ANKRD28: variants seen among roughly 807,000 people sequenced by gnomAD.
ANKRD28 encodes serine/threonine-protein phosphatase 6 regulatory ankyrin repeat subunit A.
Under a neutral mutation model 126.5 loss-of-function variants are expected in ANKRD28, and 44 were observed. That is an observed-to-expected ratio of 0.35 (90% CI 0.27 to 0.45). The LOEUF (loss-of-function observed/expected upper bound fraction) is 0.45. ANKRD28 is among the 20% of genes least tolerant of loss of function. The pLI, the probability that ANKRD28 is intolerant of heterozygous loss-of-function variation, is 1.00. For synonymous variants in ANKRD28, 442 were observed against 468.5 expected (o/e 0.94, Z 0.73); for missense variants, 1,110 against 1,316.6 (o/e 0.84, Z 2.43).
rs1037120037 is a variant in ANKRD28, at chr3:15,670,193, G to C, written c.*77C>G. 2 of 1,467,158 alleles carry C rather than the reference G, an allele frequency of 1.4e-6. No homozygotes were observed. Among genetic ancestry groups the C allele is most frequent in the African/African-American group, 2.8e-5 (2 of 71,358 alleles). 90.9% of individuals were successfully genotyped at this position (1,467,158 alleles called of 1,614,324 possible). ...CTTTCCTCTTAGGTTGAATTTCTACGTGAATATCAAAGTGCCTTTTTCCTG... is the reference window on the plus strand; with the variant it reads ...CTTTCCTCTTAGGTTGAATTTCTACCTGAATATCAAAGTGCCTTTTTCCTG... On this transcript the variant is annotated 3_prime_UTR_variant, in exon 28 of 28. Transcript: ENST00000683139.
intron 1 of ANKRD28, among the ~76,000 whole-genome samples, chr3:15,795,974 T>C (rs1231591863): frequency 3.3e-5 from 5 of 152,148 alleles, no homozygotes; most frequent in Admixed American, 6.5e-5. Flanking sequence ...AGATGAAGAC[T>C]GAATCTCATA....
At chr3:15,768,666 TGGGGCAG>T (rs889502865) in intron 2 of ANKRD28, among the ~76,000 whole-genome samples, 2 of 149,584 alleles carry the variant, frequency 1.3e-5, no homozygotes, top group Non-Finnish European at 3.0e-5. Context: ...GGGGCGGCGG[TGGGGCAG>T]GGGGGCAAAT....
rs151047851 is a variant in ANKRD28 at position 15,783,389 on chromosome 3, T to C, written c.201+11834A>G. 3.4e-3 allele frequency among the ~76,000 whole-genome samples: 520 copies of C among 152,168 alleles called. 3 individuals carry two copies. Among genetic ancestry groups the C allele is most frequent in the African/African-American group, 0.012 (502 of 41,554 alleles). ...TGATTATACGAAATATTTGTGAGAATGTTGAAAATTTAGGATTCTCATATC... is the reference window on the plus strand; with the variant it reads ...TGATTATACGAAATATTTGTGAGAACGTTGAAAATTTAGGATTCTCATATC... On this transcript the variant is annotated intron_variant, in intron 2 of 27. Transcript: ENST00000683139.
rs531953459 is a variant in ANKRD28 at position 15,724,545 on chromosome 3, A to G, written c.641-21T>C. The G allele has an allele frequency of 1.1e-5, 17 of 1,545,106 alleles. 1 individual carries two copies. Among genetic ancestry groups the G allele is most frequent in the South Asian group, 1.1e-4 (9 of 82,698 alleles). On this transcript the variant is annotated intron_variant, in intron 6 of 27. Coordinates refer to ENST00000683139, the MANE Select transcript of ANKRD28 (RefSeq NM_001349278.2). The stretch of plus-strand genomic sequence containing the variant: ...GTGACCTAAAAATGTGTTTTTGAAG[A>G]AAAAAATAGAGATGAGCATATGAAA...
intron 3 of ANKRD28, among the ~76,000 whole-genome samples, chr3:15,759,212 C>T (rs1002828726): frequency 1.3e-5 from 2 of 152,102 alleles, no homozygotes; most frequent in Non-Finnish European, 2.9e-5. Context: ...ATTAAGAACA[C>T]GGATTCTGTA....
chr3:15,859,361 G>A, intron 1 of ANKRD28: 1 of 1,527,282 alleles, frequency 6.5e-7, no homozygotes. Context: ...ATCCCGCCCT[G>A]CAGCCCCTCA....
chr3:15,695,748 A>G (rs1305823442), intron 15 of ANKRD28, among the ~76,000 whole-genome samples: 2 of 152,120 alleles, frequency 1.3e-5, no homozygotes, highest in African/African-American at 4.8e-5. Context: ...GGGGTTGTGA[A>G]ATAAATGTGC....
Position 15,727,658 on chromosome 3 carries a change from A to G in ANKRD28, c.641-3134T>C, listed in dbSNP as rs897997458. 8.6e-5 allele frequency among the ~76,000 whole-genome samples: 13 copies of G among 151,800 alleles called. 1 individual carries two copies. The highest frequency in any genetic ancestry group is 6.6e-4 in the Admixed American group (10 of 15,252). On this transcript the variant is annotated intron_variant, in intron 6 of 27. Coordinates refer to ENST00000683139, the MANE Select transcript of ANKRD28 (RefSeq NM_001349278.2). The stretch of plus-strand genomic sequence containing the variant: ...AGTATTATTATTAACAGGAGTTTGG[A>G]AGAAGTTGATTCCAACCCTCATGGA...
In ANKRD28 at chr3:15,694,806, T is replaced by G. The variant is rs1361684502; in HGVS notation, c.1694A>C (p.Glu565Ala). 6.2e-7 allele frequency: 1 copy of G among 1,613,300 alleles called. No homozygotes were observed. The highest frequency in any genetic ancestry group is 8.5e-7 in the Non-Finnish European group (1 of 1,179,424). The change falls in exon 17 of 28, where the codon GAA (glutamate) becomes GCA (alanine). Residue 565 changes from glutamate to alanine, a missense_variant. Physicochemically the swap from Glu to Ala is moderately radical, Grantham distance 107. Transcript: ENST00000683139. The part of the protein sequence containing the change: ...ASETPLDVLM[E>A]TSGTDMLSDS... ...ACTCAGCATGTCTGTTCCTGAGGTTTCCATTAACTGAAAAAGAAGAGGCAT... is the reference window on the plus strand; with the variant it reads ...ACTCAGCATGTCTGTTCCTGAGGTTGCCATTAACTGAAAAAGAAGAGGCAT...
At chr3:15,678,475 G>T in intron 23 of ANKRD28, 121 bp from the exon 24 acceptor site, 1 of 841,016 alleles carries the variant, frequency 1.2e-6, no homozygotes, top group Non-Finnish European at 1.7e-6. Flanking sequence ...CAAAAGCACT[G>T]CCTGTACACA....
intron 27 of ANKRD28, among the ~76,000 whole-genome samples, chr3:15,672,837 A>C (rs1182228476): frequency 6.6e-6 from 1 of 152,184 alleles, no homozygotes; most frequent in South Asian, 2.1e-4. Context: ...GTGCACTGGC[A>C]TGATCTCGGC....
intron 1 of ANKRD28, among the ~76,000 whole-genome samples, chr3:15,810,305 A>G (rs939323783): frequency 6.6e-6 from 1 of 152,096 alleles, no homozygotes; most frequent in Non-Finnish European, 1.5e-5. Flanking sequence ...AGCTATCAAT[A>G]CCATTGATAA....
intron 1 of ANKRD28, among the ~76,000 whole-genome samples, chr3:15,844,170 G>A (rs936113372): frequency 6.6e-6 from 1 of 152,136 alleles, no homozygotes; most frequent in Non-Finnish European, 1.5e-5. Flanking sequence ...TCTGGACTGT[G>A]AGCAAAGAAG....
intron 4 of ANKRD28, among the ~76,000 whole-genome samples, chr3:15,743,386 A>T (rs1041464602): frequency 6.6e-6 from 1 of 152,058 alleles, no homozygotes; most frequent in Non-Finnish European, 1.5e-5. Flanking sequence ...AAAAAAAAAC[A>T]AAACATATTT....
intron 3 of ANKRD28, among the ~76,000 whole-genome samples, chr3:15,762,198 A>AC (rs1559488854): frequency 2.7e-4 from 8 of 29,864 alleles, no homozygotes; most frequent in East Asian, 1.7e-3. Context: ...TAAAAAAAAA[A>AC]AAAAAAAAAA....
At chr3:15,743,446 T>C (rs1435112875) in intron 4 of ANKRD28, among the ~76,000 whole-genome samples, 2 of 152,034 alleles carry the variant, frequency 1.3e-5, no homozygotes, top group African/African-American at 4.8e-5. Context: ...CATGTGATAA[T>C]GGAATTTAAA....
At position 15,737,302 on chromosome 3, in the gene ANKRD28, G is replaced by A. The variant is rs150457777; in HGVS notation, c.352-69C>T. ...TTGAGAAATTATTTCTATATATAGT[G>A]TGCGTGTGTGTGTATAAATATGTAT... On this transcript the variant is annotated intron_variant, in intron 4 of 27. Coordinates refer to ENST00000683139, the MANE Select transcript of ANKRD28 (RefSeq NM_001349278.2). 4.1e-4 allele frequency: 530 copies of A among 1,278,918 alleles called. 1 individual carries two copies. In the African/African-American group the frequency reaches 7.1e-3, roughly 17 times the overall value. 79.2% of individuals were successfully genotyped at this position (1,278,918 alleles called of 1,614,324 possible).
At chr3:15,847,162 G>A (rs1328163723) in intron 1 of ANKRD28, among the ~76,000 whole-genome samples, 3 of 152,068 alleles carry the variant, frequency 2.0e-5, no homozygotes, top group African/African-American at 7.2e-5. Flanking sequence ...CCAAAGTTAG[G>A]AAACAGTGGC....
At chr3:15,740,145 T>C (rs1410934874) in intron 4 of ANKRD28, among the ~76,000 whole-genome samples, 2 of 152,200 alleles carry the variant, frequency 1.3e-5, no homozygotes, top group East Asian at 1.9e-4. Flanking sequence ...AGAATACATA[T>C]TGTATGATTC....
Sources: allele counts gnomAD v4.1 joint callset (sites outside exome capture counted in the v4.1 genomes callset), GRCh38; gene constraint gnomAD v4.1.1; transcripts MANE v1.5; gene names NCBI Gene and HGNC (gene_info 2026-07-23, HGNC 2026-07-21).